Variants in FIP1L1 observed in about 807,000 individuals in gnomAD.
FIP1L1 encodes the protein factor interacting with PAPOLA and CPSF1.
FIP1L1 carries 21 observed loss-of-function variants against 84.6 expected under a neutral mutation model. The observed-to-expected ratio is 0.25, with a 90% CI of 0.18 to 0.36. The LOEUF (loss-of-function observed/expected upper bound fraction) is 0.36. Ranked by LOEUF, FIP1L1 falls within the 10% of genes least tolerant of loss-of-function variation. The pLI, the probability that FIP1L1 is intolerant of heterozygous loss-of-function variation, is 1.00. For missense variants in FIP1L1, 526 were observed against 751.1 expected (o/e 0.70, Z 3.50); for synonymous variants, 263 against 242.3 (o/e 1.09, Z -0.80).
At chr4:53,437,601 C>G (rs2150158311) in intron 13 of FIP1L1, among the ~76,000 whole-genome samples, 1 of 152,164 alleles carries the variant, frequency 6.6e-6, no homozygotes, top group Admixed American at 6.5e-5. Flanking sequence ...TCTGGTCCCA[C>G]CCCAGACTTA....
intron 16 of FIP1L1, among the ~76,000 whole-genome samples, chr4:53,453,953 C>G (rs1302716130): frequency 6.6e-6 from 1 of 152,114 alleles, no homozygotes. Flanking sequence ...CAAATTTTTA[C>G]TTCTGTACCA....
chr4:53,460,824 T>TA lies in FIP1L1; in HGVS notation c.*1380dup. The TA allele has an allele frequency of 7.7e-7, 1 of 1,306,456 alleles. No individual in the cohort carries two copies. Among genetic ancestry groups the TA allele is most frequent in the Non-Finnish European group, 1.1e-6 (1 of 943,582 alleles). 80.9% of individuals were successfully genotyped at this position (1,306,456 alleles called of 1,614,324 possible). A position where few individuals can be genotyped will look rare whatever the true frequency, so the allele number is the denominator to read the frequency against. ...TTACAATGTATTCTTTCTTTAAATA[T>TA]AAAAACTGACAAGATAAATATAGTG... On this transcript the variant is annotated 3_prime_UTR_variant, in exon 18 of 18. Transcript: ENST00000337488.
intron 10 of FIP1L1, among the ~76,000 whole-genome samples, chr4:53,410,799 T>A (rs768026308): frequency 3.9e-5 from 6 of 152,238 alleles, no homozygotes; most frequent in African/African-American, 9.6e-5. Context: ...TCTTTTATTA[T>A]TGTTAATTTC....
intron 9 of FIP1L1, among the ~76,000 whole-genome samples, chr4:53,393,134 G>A (rs1049728423): frequency 1.4e-4 from 21 of 152,288 alleles, no homozygotes; most frequent in African/African-American, 5.1e-4. Context: ...AAGTTCCTGA[G>A]CAGTAGAATG....
chr4:53,437,934 C>T (rs1172703682), intron 13 of FIP1L1, among the ~76,000 whole-genome samples: 1 of 151,896 alleles, frequency 6.6e-6, no homozygotes, highest in Non-Finnish European at 1.5e-5. Flanking sequence ...ACCATGTTAG[C>T]CAAGATGGTC....
chr4:53,408,573 A>G (rs1254694204), intron 10 of FIP1L1, among the ~76,000 whole-genome samples: 2 of 152,144 alleles, frequency 1.3e-5, no homozygotes, highest in Non-Finnish European at 2.9e-5. Flanking sequence ...TCTCCTGGAT[A>G]ATATCCTGCA....
intron 16 of FIP1L1, among the ~76,000 whole-genome samples, chr4:53,457,109 C>T (rs1719547858): frequency 6.6e-6 from 1 of 152,030 alleles, no homozygotes; most frequent in Non-Finnish European, 1.5e-5. Flanking sequence ...TATTGAGTGC[C>T]TACTCTCATA....
intron 13 of FIP1L1, among the ~76,000 whole-genome samples, chr4:53,439,649 T>C (rs1165143100): frequency 6.6e-6 from 1 of 152,072 alleles, no homozygotes; most frequent in African/African-American, 2.4e-5. Flanking sequence ...CCAACTGTTT[T>C]AGTTATTTAT....
chr4:53,391,268 A>T (rs1179208573), intron 8 of FIP1L1, 129 bp downstream of exon 8: 90 of 1,255,540 alleles, frequency 7.2e-5, no homozygotes, highest in Non-Finnish European at 9.0e-5. Flanking sequence ...TTTGTTTACC[A>T]TGTTTGTTTT....
intron 10 of FIP1L1, among the ~76,000 whole-genome samples, chr4:53,408,409 T>C (rs1456014140): frequency 1.3e-5 from 2 of 152,208 alleles, no homozygotes; most frequent in Admixed American, 1.3e-4. Context: ...CCGACCTTTC[T>C]CTCTGGCTGC....
At position 53,379,002 on chromosome 4, in the gene FIP1L1, A is replaced by ATT. The variant is rs1013936115; in HGVS notation, c.86-63_86-62dup. On this transcript the variant is annotated intron_variant, in intron 1 of 17. Transcript: ENST00000337488. The stretch of plus-strand genomic sequence containing the variant: ...CTTATTTTTATAGCAGTAAAGTCTG[A>ATT]TTTTTTTTTCCATAAAATAAGTATC... 1.0e-5 allele frequency: 15 copies of ATT among 1,458,836 alleles called. No individual in the cohort carries two copies. The African/African-American group carries it at 1.6e-4, about 15-fold the overall frequency. 90.4% of individuals were successfully genotyped at this position (1,458,836 alleles called of 1,614,324 possible).
At chr4:53,409,673 C>T (rs1241611538) in intron 10 of FIP1L1, among the ~76,000 whole-genome samples, 4 of 152,250 alleles carry the variant, frequency 2.6e-5, no homozygotes, top group Non-Finnish European at 5.9e-5. Flanking sequence ...GCTTTGTTTA[C>T]TTAAGGAAGC....
At chr4:53,434,271 T>A (rs1371170117) in intron 13 of FIP1L1, among the ~76,000 whole-genome samples, 1 of 152,182 alleles carries the variant, frequency 6.6e-6, no homozygotes, top group Non-Finnish European at 1.5e-5. Flanking sequence ...GTACTTTTCC[T>A]AGAATAATTT....
rs1029984761 is a variant in FIP1L1, at chr4:53,460,258, T to A, written c.*809T>A. ...ACTAACGATTGTGGAAAAAAAGAGC[T>A]TTAGCCATTTCTTACTAAAAACAAA... is the stretch of plus-strand genomic sequence containing the variant. On this transcript the variant is annotated 3_prime_UTR_variant, in exon 18 of 18. Transcript: ENST00000337488. The A allele has an allele frequency of 6.2e-5, 12 of 192,654 alleles. No homozygotes were observed. The highest frequency in any genetic ancestry group is 2.1e-4 in the African/African-American group (9 of 43,098). 11.9% of individuals were successfully genotyped at this position (192,654 alleles called of 1,614,324 possible).
intron 5 of FIP1L1, among the ~76,000 whole-genome samples, chr4:53,385,477 G>A (rs1051845639): frequency 2.6e-5 from 4 of 151,946 alleles, no homozygotes; most frequent in African/African-American, 9.7e-5. Flanking sequence ...GATTTCTATA[G>A]AGTAGAAACC....
chr4:53,401,525 G>A (rs1750259302), intron 10 of FIP1L1, among the ~76,000 whole-genome samples: 1 of 152,168 alleles, frequency 6.6e-6, no homozygotes, highest in South Asian at 2.1e-4. Flanking sequence ...ATGGTAACTT[G>A]GACCAAGATA....
chr4:53,460,408 A>T lies in FIP1L1; in HGVS notation c.*959A>T, dbSNP rs865994975. On this transcript the variant is annotated 3_prime_UTR_variant, in exon 18 of 18. Coordinates refer to ENST00000337488, the MANE Select transcript of FIP1L1 (RefSeq NM_030917.4). ...AATTACTAGGATCTTTTAAATAGTG[A>T]TAATACAAAAGTAATCTTAATTAGT... 39 of 189,570 alleles carry T rather than the reference A, an allele frequency of 2.1e-4. 1 individual carries two copies. The highest frequency in any genetic ancestry group is 8.6e-4 in the African/African-American group (37 of 42,992). 11.7% of individuals were successfully genotyped at this position (189,570 alleles called of 1,614,324 possible).
intron 13 of FIP1L1, among the ~76,000 whole-genome samples, chr4:53,433,813 A>G (rs1767835645): frequency 6.6e-6 from 1 of 152,220 alleles, no homozygotes; most frequent in Non-Finnish European, 1.5e-5. Flanking sequence ...AGAAAGAAGT[A>G]GATTTCTTCC....
chr4:53,440,455 C>T (rs1771416286), intron 13 of FIP1L1: 3 of 584,150 alleles, frequency 5.1e-6, no homozygotes, highest in South Asian at 2.2e-5. Context: ...GAATGGTTCT[C>T]TTGAGTGAAT....
Sources: gnomAD v4.1 joint callset for allele counts (sites outside exome capture counted in the v4.1 genomes callset) on GRCh38, gnomAD v4.1.1 for gene constraint, MANE v1.5 for transcripts, NCBI Gene and HGNC (gene_info 2026-07-23, HGNC 2026-07-21) for gene names.